CST2: variants seen among roughly 807,000 people sequenced by gnomAD.
The protein encoded by CST2 is cystatin SA, also known as cystatin-SA.
CST2 carries 26 observed loss-of-function variants against 13.4 expected under a neutral mutation model. The observed-to-expected ratio is 1.95, with a 90% confidence interval of 1.43 to 2.70. The LOEUF is 2.70. Ranked by LOEUF, CST2 falls within the 30% of genes most tolerant of loss-of-function variation. CST2 has a pLI of 0.00. For synonymous variants in CST2, 105 were observed against 71.1 expected, an observed-to-expected ratio of 1.48 and a Z score of -2.40; for missense variants, 243 against 173.4, an observed-to-expected ratio of 1.40 and a Z score of -2.25.
In CST2 at chr20:23,823,975, G is replaced by C. The variant is rs374281628; in HGVS notation, c.*45C>G. 1.2e-6 allele frequency: 2 copies of C among 1,602,158 alleles called. No individual in the cohort carries two copies. Among genetic ancestry groups the C allele is most frequent in the Non-Finnish European group, 1.7e-6 (2 of 1,169,644 alleles). On this transcript the variant is annotated 3_prime_UTR_variant, in exon 3 of 3. Coordinates refer to ENST00000304725, the MANE Select transcript of CST2 (RefSeq NM_001322.3). Reference sequence around the variant, plus strand: ...AGTCCAGGGGTGGGAGCACTACAAGGGGTGGGAGTAGGAGGTGGTCAGTGT... The same window carrying C: ...AGTCCAGGGGTGGGAGCACTACAAGCGGTGGGAGTAGGAGGTGGTCAGTGT...
chr20:23,825,019 C>T (rs1467419616), intron 2 of CST2, among the ~76,000 whole-genome samples, 191 bp downstream of exon 2: 2 of 152,054 alleles, frequency 1.3e-5, no homozygotes, highest in African/African-American at 4.8e-5. Context: ...TACACACATG[C>T]ACCTTTCCAC....
Position 23,823,823 on chromosome 20 carries a change from G to A in CST2, c.*197C>T. The A allele has an allele frequency of 3.3e-6, 2 of 602,362 alleles. No homozygotes were observed. The highest frequency in any genetic ancestry group is 2.0e-5 in the South Asian group (1 of 49,612). 37.3% of individuals were successfully genotyped at this position (602,362 alleles called of 1,614,324 possible). On this transcript the variant is annotated 3_prime_UTR_variant, in exon 3 of 3. Coordinates refer to ENST00000304725, the MANE Select transcript of CST2 (RefSeq NM_001322.3). The stretch of plus-strand genomic sequence containing the variant: ...GGGGGTGTGTGTACCATGTACCAGG[G>A]CTATGAGAAGCAAAAGGAAGGAGGG...
At chr20:23,826,267 G>C (rs1984833153) in intron 1 of CST2, among the ~76,000 whole-genome samples, 166 bp downstream of exon 1, 1 of 152,184 alleles carries the variant, frequency 6.6e-6, no homozygotes. Flanking sequence ...CATCCCCCGG[G>C]AGCATGCTTA....
intron 1 of CST2, 29 bp downstream of exon 1, chr20:23,826,404 A>T: frequency 6.3e-7 from 1 of 1,597,494 alleles, no homozygotes; most frequent in Non-Finnish European, 8.6e-7. Context: ...GCTGGGACTC[A>T]GGACCCCTCA....
In CST2 at chr20:23,824,019, C is replaced by T. The variant is rs1264841381; in HGVS notation, c.*1G>A. 6.2e-7 allele frequency: 1 copy of T among 1,614,018 alleles called. No homozygotes were observed. The highest frequency in any genetic ancestry group is 1.1e-5 in the South Asian group (1 of 91,080). ...TCAGTGTGACTCCCTGGCACAGATCCCTAGGCTTCTTGACACCTGGAATTC... is the reference window on the plus strand; with the variant it reads ...TCAGTGTGACTCCCTGGCACAGATCTCTAGGCTTCTTGACACCTGGAATTC... On this transcript the variant is annotated 3_prime_UTR_variant, in exon 3 of 3. Transcript: ENST00000304725.
chr20:23,824,128 A>T lies in CST2; in HGVS notation c.343-25T>A, dbSNP rs770571306. ...TCTGTGAAAGGGAAGAGAGAGGGCC[A>T]ATCAGTGTGAGTTACAGTTAAAGGG... On this transcript the variant is annotated intron_variant, in intron 2 of 2. Transcript: ENST00000304725. The T allele has an allele frequency of 1.4e-5, 22 of 1,610,906 alleles. 1 individual carries two copies. The South Asian group carries it at 2.4e-4, about 18-fold the overall frequency.
At position 23,825,063 on chromosome 20, in the gene CST2, C is replaced by T. The variant is rs567564158; in HGVS notation, c.342+147G>A. On this transcript the variant is annotated intron_variant, in intron 2 of 2. Transcript: ENST00000304725. ...CTACATGCACAACCCTCCACAAGTACATGAACATGTATACATCCATGCATA... is the reference window on the plus strand; with the variant it reads ...CTACATGCACAACCCTCCACAAGTATATGAACATGTATACATCCATGCATA... 17 of 1,143,242 alleles carry T rather than the reference C, an allele frequency of 1.5e-5. 1 individual carries two copies. In the South Asian group the frequency reaches 2.1e-4, roughly 14 times the overall value. 70.8% of individuals were successfully genotyped at this position (1,143,242 alleles called of 1,614,324 possible).
At position 23,826,430 on chromosome 20, in the gene CST2, C is replaced by T. The variant is rs370346274; in HGVS notation, c.228+3G>A. 1.1e-5 allele frequency: 18 copies of T among 1,613,474 alleles called. No homozygotes were observed. In the African/African-American group the frequency reaches 1.3e-4, roughly 12 times the overall value. ...GGACCCCTCAGGTGGAGGCAGCACC[C>T]ACCTGCTCCCTGGCTCGTAGCACCC... On this transcript the variant is annotated splice_donor_region_variant and intron_variant, in intron 1 of 2. Coordinates refer to ENST00000304725, the MANE Select transcript of CST2 (RefSeq NM_001322.3).
intron 2 of CST2, among the ~76,000 whole-genome samples, chr20:23,824,547 G>C (rs1042798121): frequency 9.2e-5 from 14 of 152,156 alleles, no homozygotes; most frequent in Non-Finnish European, 1.6e-4. Flanking sequence ...AGGGGAGTGT[G>C]GCTCTCCCCT....
Position 23,823,891 on chromosome 20 carries a change from TTC to T in CST2, c.*127_*128del. ...TGAGCAACAAAGGCCTCCTGCAGCC[TTC>T]TCTGTCTTCTCCTGCTGCAGGTGCA... is the stretch of plus-strand genomic sequence containing the variant. On this transcript the variant is annotated 3_prime_UTR_variant, in exon 3 of 3. Transcript: ENST00000304725. 2 of 965,908 alleles carry T rather than the reference TTC, an allele frequency of 2.1e-6. No individual in the cohort carries two copies. Among genetic ancestry groups the T allele is most frequent in the South Asian group, 1.6e-5 (1 of 64,022 alleles). 59.8% of individuals were successfully genotyped at this position (965,908 alleles called of 1,614,324 possible).
chr20:23,826,456 G>C lies in CST2; in HGVS notation c.205C>G (p.Arg69Gly). ...TEDEYYRRLLRVLRAREQIVG... is the reference protein window; with the variant it reads ...TEDEYYRRLLGVLRAREQIVG... ...ACCTGCTCCCTGGCTCGTAGCACCCGCAGCAGGCGTCTGTAGTACTCATCT... is the reference window on the plus strand; with the variant it reads ...ACCTGCTCCCTGGCTCGTAGCACCCCCAGCAGGCGTCTGTAGTACTCATCT... Residue 69 changes from arginine to glycine, a missense_variant, in exon 1 of 3, where the codon CGG becomes GGG. Coordinates refer to ENST00000304725, the MANE Select transcript of CST2 (RefSeq NM_001322.3). 3 of 1,614,102 alleles carry C rather than the reference G, an allele frequency of 1.9e-6. No individual in the cohort carries two copies. The highest frequency in any genetic ancestry group is 2.5e-6 in the Non-Finnish European group (3 of 1,179,978).
In CST2 at chr20:23,823,999, G is replaced by A. The variant is rs769693451; in HGVS notation, c.*21C>T. The A allele has an allele frequency of 6.2e-7, 1 of 1,612,946 alleles. No individual in the cohort carries two copies. Among genetic ancestry groups the A allele is most frequent in the Admixed American group, 1.7e-5 (1 of 59,988 alleles). On this transcript the variant is annotated 3_prime_UTR_variant, in exon 3 of 3. Coordinates refer to ENST00000304725, the MANE Select transcript of CST2 (RefSeq NM_001322.3). ...GGGGTGGGAGTAGGAGGTGGTCAGT[G>A]TGACTCCCTGGCACAGATCCCTAGG...
rs145580107 is a variant in CST2, at chr20:23,824,343, C to T, written c.343-240G>A. 1.4e-4 allele frequency among the ~76,000 whole-genome samples: 22 copies of T among 152,220 alleles called. 1 individual carries two copies. The East Asian group carries it at 4.3e-3, about 30-fold the overall frequency. On this transcript the variant is annotated intron_variant, in intron 2 of 2. Transcript: ENST00000304725. ...CCACCGCAGCCTGCAGTGTCCTGTC[C>T]CAGCACAGCCCTGTGAGGATCAGCC...
At chr20:23,824,162 C>G in intron 2 of CST2, 59 bp from the exon 3 acceptor site, 7 of 1,565,730 alleles carry the variant, frequency 4.5e-6, no homozygotes, top group Non-Finnish European at 6.1e-6. Context: ...GGGAAGTCAC[C>G]CAGGCATGAG....
In CST2 at chr20:23,825,483, C is replaced by T. The variant is rs141431409; in HGVS notation, c.229-160G>A. ...CAAGCCCCCTCTTCCTGTCAGCTGG[C>T]AGGGTGCTGGGCCTCATGCCCCCTC... On this transcript the variant is annotated intron_variant, in intron 1 of 2. Transcript: ENST00000304725. 2.0e-3 allele frequency among the ~76,000 whole-genome samples: 302 copies of T among 152,366 alleles called. 2 individuals carry two copies. The highest frequency in any genetic ancestry group is 0.017 in the Middle Eastern group (5 of 294).
chr20:23,826,397 G>C lies in CST2; in HGVS notation c.228+36C>G. 3 of 1,572,924 alleles carry C rather than the reference G, an allele frequency of 1.9e-6. No individual in the cohort carries two copies. In the South Asian group the frequency reaches 3.3e-5, roughly 18 times the overall value. On this transcript the variant is annotated intron_variant, in intron 1 of 2. Coordinates refer to ENST00000304725, the MANE Select transcript of CST2 (RefSeq NM_001322.3). ...TATGGATCGGGCAACAAACAAGGCT[G>C]GGACTCAGGACCCCTCAGGTGGAGG...
intron 1 of CST2, among the ~76,000 whole-genome samples, chr20:23,825,672 C>T (rs1346032973): frequency 5.3e-5 from 8 of 152,202 alleles, no homozygotes; most frequent in Non-Finnish European, 8.8e-5. Context: ...GTGCTTCACT[C>T]CAAGTTATTG....
intron 1 of CST2, 47 bp from the exon 2 acceptor site, chr20:23,825,370 T>A: frequency 6.3e-7 from 1 of 1,596,390 alleles, no homozygotes; most frequent in Non-Finnish European, 8.6e-7. Flanking sequence ...CCCCATCAGT[T>A]CATGCACTCA....
intron 2 of CST2, among the ~76,000 whole-genome samples, chr20:23,824,355 TG>T (rs1037109689): frequency 1.3e-5 from 2 of 152,060 alleles, no homozygotes; most frequent in African/African-American, 4.8e-5. Context: ...AGCACAGCCC[TG>T]TGAGGATCAG....
Sources: allele counts gnomAD v4.1 joint callset (sites outside exome capture counted in the v4.1 genomes callset), GRCh38; gene constraint gnomAD v4.1.1; transcripts MANE v1.5; gene names NCBI Gene and HGNC (gene_info 2026-07-23, HGNC 2026-07-21).